Variants in TMCC1 observed in about 807,000 individuals in gnomAD.
The protein encoded by TMCC1 is transmembrane and coiled-coil domains protein 1.
TMCC1 carries 15 observed loss-of-function variants against 52.4 expected under a neutral mutation model. That is an observed-to-expected ratio of 0.29 (90% confidence interval 0.19 to 0.44). TMCC1 has a LOEUF of 0.44. Ranked by LOEUF, TMCC1 falls within the 20% of genes least tolerant of loss-of-function variation. TMCC1 has a pLI of 1.00. For missense variants in TMCC1, 503 were observed against 806.0 expected, an observed-to-expected ratio of 0.62 and a Z score of 4.55; for synonymous variants, 279 against 301.9, an observed-to-expected ratio of 0.92 and a Z score of 0.79.
At chr3:129,763,152 C>A (rs568034198) in intron 4 of TMCC1, among the ~76,000 whole-genome samples, 2 of 149,326 alleles carry the variant, frequency 1.3e-5, no homozygotes, top group Non-Finnish European at 3.0e-5. Flanking sequence ...GAGCCGAGAT[C>A]GCGCCACTGC....
At chr3:129,697,364 A>G (rs1040337361) in intron 4 of TMCC1, among the ~76,000 whole-genome samples, 3 of 152,128 alleles carry the variant, frequency 2.0e-5, no homozygotes, top group African/African-American at 7.2e-5. Flanking sequence ...TTAAGGGTGG[A>G]GCAGCTGGGA....
Position 129,649,077 on chromosome 3 carries a change from A to G in TMCC1, c.*2404T>C, listed in dbSNP as rs1156233976. Reference sequence around the variant, plus strand: ...GAAAACCTTCCTTTGATAGATAGAAACCGTCCCAGGGCAAATAGGAACAGT... The same window carrying G: ...GAAAACCTTCCTTTGATAGATAGAAGCCGTCCCAGGGCAAATAGGAACAGT... On this transcript the variant is annotated 3_prime_UTR_variant, in exon 7 of 7. Transcript: ENST00000393238. The G allele has an allele frequency of 6.6e-6, 1 of 152,152 alleles. No homozygotes were observed. The highest frequency in any genetic ancestry group is 2.4e-5 in the African/African-American group (1 of 41,434). The allele number at this position is 152,152 out of a possible 1,614,324, so 9.4% of individuals were successfully genotyped here.
At chr3:129,712,204 T>C (rs1396469564) in intron 4 of TMCC1, among the ~76,000 whole-genome samples, 2 of 151,898 alleles carry the variant, frequency 1.3e-5, no homozygotes, top group Non-Finnish European at 2.9e-5. Flanking sequence ...AAAGAAATCC[T>C]AGATCGAATG....
chr3:129,890,494 C>T (rs925633656), intron 1 of TMCC1, among the ~76,000 whole-genome samples: 1 of 152,172 alleles, frequency 6.6e-6, no homozygotes. Flanking sequence ...AATACATTAT[C>T]TTGTTTAATA....
chr3:129,763,993 T>G (rs2053873354), intron 4 of TMCC1, among the ~76,000 whole-genome samples: 1 of 152,078 alleles, frequency 6.6e-6, no homozygotes, highest in Admixed American at 6.5e-5. Context: ...TTATGTAATA[T>G]GAAGTAGAGA....
chr3:129,685,340 C>T (rs772055305), intron 4 of TMCC1, among the ~76,000 whole-genome samples: 92 of 150,908 alleles, frequency 6.1e-4, no homozygotes, highest in Non-Finnish European at 1.1e-3. Context: ...GATCATGCCA[C>T]GGCACTCCAG....
intron 2 of TMCC1, chr3:129,869,036 T>C (rs2107956971): frequency 6.6e-6 from 1 of 152,190 alleles, no homozygotes; most frequent in African/African-American, 2.4e-5. Flanking sequence ...TCATAATGTA[T>C]TCCTTTCAAC....
intron 2 of TMCC1, among the ~76,000 whole-genome samples, chr3:129,860,409 C>T (rs546451372): frequency 5.9e-5 from 9 of 151,614 alleles, no homozygotes; most frequent in Middle Eastern, 3.4e-3. Flanking sequence ...ATGACGTGTA[C>T]GGGGGAGATG....
intron 4 of TMCC1, among the ~76,000 whole-genome samples, chr3:129,720,151 T>C (rs1050272579): frequency 2.4e-4 from 33 of 140,022 alleles, no homozygotes; most frequent in Middle Eastern, 4.1e-3. Flanking sequence ...CAGTGCACTC[T>C]AGCCTGGGCA....
At chr3:129,716,634 C>T (rs1410275959) in intron 4 of TMCC1, among the ~76,000 whole-genome samples, 1 of 151,856 alleles carries the variant, frequency 6.6e-6, no homozygotes, top group African/African-American at 2.4e-5. Flanking sequence ...CAGGCATGAG[C>T]CACTGTGCCT....
chr3:129,801,827 GAAGT>G lies in TMCC1; in HGVS notation c.576+25972_576+25975del, dbSNP rs1214523003. Among the ~76,000 whole-genome samples, 14 of 152,254 alleles carry G rather than the reference GAAGT, an allele frequency of 9.2e-5. No individual in the cohort carries two copies. In the East Asian group the frequency reaches 2.5e-3, roughly 27 times the overall value. On this transcript the variant is annotated intron_variant, in intron 4 of 6. Transcript: ENST00000393238. ...ATTCGGCCTAAATTCATTTTCTATA[GAAGT>G]AAGATCAGTCCACTTCATGTCATTT...
At chr3:129,813,390 A>G (rs1049374440) in intron 4 of TMCC1, among the ~76,000 whole-genome samples, 1 of 152,210 alleles carries the variant, frequency 6.6e-6, no homozygotes, top group African/African-American at 2.4e-5. Context: ...TCACAATAGC[A>G]AAGACATGGA....
intron 4 of TMCC1, among the ~76,000 whole-genome samples, chr3:129,734,645 T>C (rs1044810768): frequency 5.9e-5 from 9 of 152,148 alleles, no homozygotes; most frequent in African/African-American, 2.2e-4. Flanking sequence ...ATTGCATCAC[T>C]GCACTCCAGC....
intron 4 of TMCC1, among the ~76,000 whole-genome samples, chr3:129,725,415 T>C (rs1576592726): frequency 6.6e-6 from 1 of 152,166 alleles, no homozygotes; most frequent in East Asian, 1.9e-4. Context: ...GGCCTAATCG[T>C]ACAATTTCTA....
intron 4 of TMCC1, among the ~76,000 whole-genome samples, chr3:129,763,884 T>C (rs2053864243): frequency 6.6e-6 from 1 of 151,138 alleles, no homozygotes; most frequent in African/African-American, 2.4e-5. Flanking sequence ...TTATTTAATA[T>C]TAACCAGTCT....
intron 4 of TMCC1, among the ~76,000 whole-genome samples, chr3:129,728,683 C>A (rs1392055981): frequency 6.6e-6 from 1 of 152,184 alleles, no homozygotes; most frequent in African/African-American, 2.4e-5. Flanking sequence ...ACTCATGAAA[C>A]CACCAGCAGT....
intron 2 of TMCC1, among the ~76,000 whole-genome samples, chr3:129,857,809 C>T (rs543774931): frequency 1.0e-3 from 155 of 152,288 alleles, no homozygotes; most frequent in African/African-American, 3.4e-3. Flanking sequence ...ATGAGCCGCC[C>T]GCCTCAGCCT....
At chr3:129,660,564 C>G (rs373882758) in intron 5 of TMCC1, among the ~76,000 whole-genome samples, 130 of 152,256 alleles carry the variant, frequency 8.5e-4, no homozygotes, top group African/African-American at 3.0e-3. Flanking sequence ...AATGGGTTTA[C>G]TGGGCACACA....
At chr3:129,727,727 T>G in intron 4 of TMCC1, among the ~76,000 whole-genome samples, 1 of 152,164 alleles carries the variant, frequency 6.6e-6, no homozygotes, top group South Asian at 2.1e-4. Context: ...TGACAGTAAT[T>G]TGGAGGTCCC....
Sources: allele counts gnomAD v4.1 joint callset (sites outside exome capture counted in the v4.1 genomes callset), GRCh38; gene constraint gnomAD v4.1.1; transcripts MANE v1.5; gene names NCBI Gene and HGNC (gene_info 2026-07-23, HGNC 2026-07-21).